Variants in PRELID2 observed in about 807,000 individuals in gnomAD.
The protein encoded by PRELID2 is PRELI domain-containing protein 2.
A neutral mutation model predicts 28.4 loss-of-function variants in PRELID2; 25 were observed. That is an observed-to-expected ratio of 0.88 (90% CI 0.64 to 1.23). The LOEUF is 1.23. Ranked by LOEUF, PRELID2 falls within the 50% of genes most tolerant of loss-of-function variation. PRELID2 has a pLI of 0.00. For missense variants in PRELID2, 201 were observed against 214.4 expected, an observed-to-expected ratio of 0.94 and a Z score of 0.39; for synonymous variants, 76 against 71.6, an observed-to-expected ratio of 1.06 and a Z score of -0.31.
chr5:145,233,672 G>A, the PRELID2 span, among the ~76,000 whole-genome samples: 1 of 152,146 alleles, frequency 6.6e-6, no homozygotes, highest in Non-Finnish European at 1.5e-5. Flanking sequence ...AAAGGAGAAA[G>A]TCCATTCAGG....
chr5:145,720,785 G>GA (rs1043913665), intron 1 of PRELID2, among the ~76,000 whole-genome samples: 1 of 151,342 alleles, frequency 6.6e-6, no homozygotes, highest in Non-Finnish European at 1.5e-5. Context: ...AAAATAATCT[G>GA]AAAAAAAAGT....
chr5:145,755,459 T>C (rs913797468), downstream of PRELID2, among the ~76,000 whole-genome samples: 2 of 152,178 alleles, frequency 1.3e-5, no homozygotes, highest in Non-Finnish European at 2.9e-5. Context: ...ACTTGGATCC[T>C]TCTGACTTTT....
At chr5:145,417,395 CTA>C in the PRELID2 span, among the ~76,000 whole-genome samples, 1 of 152,056 alleles carries the variant, frequency 6.6e-6, no homozygotes, top group East Asian at 1.9e-4. Context: ...GTAACTCATT[CTA>C]TGAGGCCAGC....
Position 145,757,941 on chromosome 5 carries a change from A to C in PRELID2, c.*2595T>G, listed in dbSNP as rs1757309525. Among the ~76,000 whole-genome samples the C allele has an allele frequency of 6.6e-6, 1 of 152,152 alleles. No individual in the cohort carries two copies. Among genetic ancestry groups the C allele is most frequent in the Non-Finnish European group, 1.5e-5 (1 of 68,028 alleles). ...AATCCCTGAGGATTATTTAGGAATG[A>C]GGAGGAAGATACATCTAAAAGTAGT... is the stretch of plus-strand genomic sequence containing the variant. On this transcript the variant is annotated 3_prime_UTR_variant, in exon 7 of 7. Transcript: ENST00000683046.
At chr5:145,778,381 C>G (rs1003695506) in intron 5 of PRELID2, among the ~76,000 whole-genome samples, 1 of 152,204 alleles carries the variant, frequency 6.6e-6, no homozygotes, top group South Asian at 2.1e-4. Flanking sequence ...GCTGCACACT[C>G]TACGGGACAC....
chr5:145,704,290 T>G (rs1003678072), intron 1 of PRELID2: 3 of 152,226 alleles, frequency 2.0e-5, no homozygotes, highest in African/African-American at 7.2e-5. Flanking sequence ...AGCTTCCAGC[T>G]GCAACCTGGA....
chr5:145,259,637 C>T, the PRELID2 span, among the ~76,000 whole-genome samples: 1 of 152,140 alleles, frequency 6.6e-6, no homozygotes, highest in East Asian at 1.9e-4. Flanking sequence ...ATGAGAATAT[C>T]TACCCAGTGC....
At chr5:145,826,857 G>A (rs955191403) in intron 1 of PRELID2, among the ~76,000 whole-genome samples, 68 of 149,940 alleles carry the variant, frequency 4.5e-4, no homozygotes, top group Non-Finnish European at 3.1e-4. Flanking sequence ...TTTGCCGAGG[G>A]AAAAAAAAAC....
intron 1 of PRELID2, among the ~76,000 whole-genome samples, chr5:145,533,839 G>A (rs1044546991): frequency 1.1e-4 from 16 of 152,064 alleles, no homozygotes; most frequent in African/African-American, 3.6e-4. Flanking sequence ...CCTATTGCTA[G>A]TCAAAGCAAG....
At chr5:145,753,134 C>T (rs1032751742), downstream of PRELID2, among the ~76,000 whole-genome samples, 3 of 152,310 alleles carry the variant, frequency 2.0e-5, no homozygotes, top group Non-Finnish European at 4.4e-5. Flanking sequence ...CCATCAGCAG[C>T]CTAACAGATG....
the PRELID2 span, among the ~76,000 whole-genome samples, chr5:145,336,413 C>A: frequency 1.3e-5 from 2 of 151,288 alleles, no homozygotes; most frequent in South Asian, 4.2e-4. Context: ...TTAGGTCTAA[C>A]GTTTAAGTCT....
At chr5:145,421,451 T>A in the PRELID2 span, among the ~76,000 whole-genome samples, 1 of 150,356 alleles carries the variant, frequency 6.7e-6, no homozygotes, top group South Asian at 2.1e-4. Context: ...TTCTTCCTGG[T>A]TTAGTCTTGG....
intron 1 of PRELID2, among the ~76,000 whole-genome samples, chr5:145,630,953 T>C (rs1283463735): frequency 6.6e-6 from 1 of 152,224 alleles, no homozygotes; most frequent in African/African-American, 2.4e-5. Flanking sequence ...CTGAGTACCA[T>C]GCAGTTTGGG....
At chr5:145,674,801 G>C (rs1265565706) in intron 1 of PRELID2, among the ~76,000 whole-genome samples, 3 of 152,050 alleles carry the variant, frequency 2.0e-5, no homozygotes, top group African/African-American at 7.2e-5. Flanking sequence ...ACACAAATTA[G>C]CCAGGTGTGG....
chr5:145,261,458 G>A, the PRELID2 span, among the ~76,000 whole-genome samples: 1 of 152,152 alleles, frequency 6.6e-6, no homozygotes, highest in Non-Finnish European at 1.5e-5. Context: ...TGAAGCAAGT[G>A]CTGGTATCCA....
downstream of PRELID2, among the ~76,000 whole-genome samples, chr5:145,751,552 C>T (rs747094240): frequency 1.3e-5 from 2 of 152,190 alleles, no homozygotes; most frequent in African/African-American, 2.4e-5. Context: ...ATTTCCAGTG[C>T]CCCAAACACA....
Position 145,603,831 on chromosome 5 carries a change from G to A in PRELID2, n.71-130516C>T, listed in dbSNP as rs532636140. ...TTATTAAAATATTTTCATAAGTGAA[G>A]AATACAAGTTATAATTTCTAGGATA... is the stretch of plus-strand genomic sequence containing the variant. On this transcript the variant is annotated intron_variant and non_coding_transcript_variant, in intron 1 of 2. Transcript: ENST00000510259. Among the ~76,000 whole-genome samples, 3 of 151,984 alleles carry A rather than the reference G, an allele frequency of 2.0e-5. No individual in the cohort carries two copies. The South Asian group carries it at 6.2e-4, about 32-fold the overall frequency.
the PRELID2 span, among the ~76,000 whole-genome samples, chr5:145,300,961 C>T: frequency 1.3e-5 from 2 of 152,008 alleles, no homozygotes; most frequent in Non-Finnish European, 2.9e-5. Flanking sequence ...CCCATCAAAC[C>T]CATTATGTAA....
At chr5:145,719,453 A>C (rs1166679896) in intron 1 of PRELID2, among the ~76,000 whole-genome samples, 1 of 151,888 alleles carries the variant, frequency 6.6e-6, no homozygotes, top group Non-Finnish European at 1.5e-5. Context: ...ACAAGACAAA[A>C]GGTAGTAAAA....
Sources: allele counts gnomAD v4.1 joint callset (sites outside exome capture counted in the v4.1 genomes callset), GRCh38; gene constraint gnomAD v4.1.1; transcripts MANE v1.5; gene names NCBI Gene and HGNC (gene_info 2026-07-23, HGNC 2026-07-21).